The following CDC42BPA variants were observed in gnomAD, a reference collection of about 807,000 sequenced individuals.
The protein encoded by CDC42BPA is serine/threonine-protein kinase MRCK alpha.
In CDC42BPA, 80 loss-of-function variants were observed where a neutral mutation model predicts 223.5. The ratio of observed to expected loss-of-function variants is 0.36; its 90% confidence interval spans 0.30 to 0.43. The LOEUF (loss-of-function observed/expected upper bound fraction) is 0.43, where lower values mean the gene tolerates loss of function less well. Among genes scored for constraint, CDC42BPA ranks in the 20% least tolerant of loss-of-function variants. CDC42BPA has a pLI of 1.00. For synonymous variants in CDC42BPA, 694 were observed against 718.6 expected (o/e 0.97, Z 0.55); for missense variants, 1,743 against 2,099.9 (o/e 0.83, Z 3.32).
At chr1:227,059,727 C>T (rs1675403274) in intron 21 of CDC42BPA, among the ~76,000 whole-genome samples, 1 of 152,016 alleles carries the variant, frequency 6.6e-6, no homozygotes, top group African/African-American at 2.4e-5. Flanking sequence ...CAAATGAGAA[C>T]AAAAAGGATC....
intron 23 of CDC42BPA, among the ~76,000 whole-genome samples, chr1:227,045,232 C>T (rs1478075689): frequency 6.6e-6 from 1 of 152,098 alleles, no homozygotes; most frequent in Non-Finnish European, 1.5e-5. Flanking sequence ...CAATTTTTTC[C>T]CCCCTGCAAC....
At chr1:227,080,586 G>T (rs1354087698) in intron 17 of CDC42BPA, among the ~76,000 whole-genome samples, 10 of 152,078 alleles carry the variant, frequency 6.6e-5, no homozygotes, top group Non-Finnish European at 5.9e-5. Flanking sequence ...TCCATAGGTA[G>T]CAGATGAATT....
intron 1 of CDC42BPA, among the ~76,000 whole-genome samples, chr1:227,286,667 A>C (rs1002818989): frequency 3.9e-5 from 6 of 152,264 alleles, no homozygotes; most frequent in South Asian, 4.2e-4. Flanking sequence ...TTTCTGTATT[A>C]GTGTATTAGT....
intron 15 of CDC42BPA, among the ~76,000 whole-genome samples, chr1:227,092,427 G>A (rs763773278): frequency 1.3e-5 from 2 of 152,160 alleles, no homozygotes; most frequent in South Asian, 2.1e-4. Context: ...GTCAGAGAAC[G>A]TACATCAAGG....
intron 19 of CDC42BPA, among the ~76,000 whole-genome samples, chr1:227,073,319 T>A (rs971366560): frequency 6.6e-6 from 1 of 152,184 alleles, no homozygotes; most frequent in African/African-American, 2.4e-5. Context: ...GTGACCAGAA[T>A]TGACGAAATG....
In CDC42BPA at chr1:227,104,879, C is replaced by T. The variant is rs559641517; in HGVS notation, c.2002-3640G>A. On this transcript the variant is annotated intron_variant, in intron 14 of 36. Coordinates refer to ENST00000366766, the MANE Select transcript of CDC42BPA (RefSeq NM_001394014.1). ...ATCTTGATTTTGAACTTCTAGCCTC[C>T]AGAACTGAGACAGTTCTGTGTTTTA... Among the ~76,000 whole-genome samples, 7 of 152,184 alleles carry T rather than the reference C, an allele frequency of 4.6e-5. No homozygotes were observed. In the South Asian group the frequency reaches 1.5e-3, roughly 32 times the overall value.
At chr1:227,264,100 C>A (rs1684576527) in intron 1 of CDC42BPA, among the ~76,000 whole-genome samples, 1 of 152,102 alleles carries the variant, frequency 6.6e-6, no homozygotes. Flanking sequence ...TTTTTATTTG[C>A]CTTTGTCTTA....
chr1:227,087,583 T>C lies in CDC42BPA; in HGVS notation c.2355+4303A>G, dbSNP rs73093502. 5.6e-3 allele frequency among the ~76,000 whole-genome samples: 855 copies of C among 152,306 alleles called. 13 individuals carry two copies. The highest frequency in any genetic ancestry group is 0.019 in the African/African-American group (808 of 41,564). On this transcript the variant is annotated intron_variant, in intron 16 of 36. Coordinates refer to ENST00000366766, the MANE Select transcript of CDC42BPA (RefSeq NM_001394014.1). ...AACAAAAAGCCTACCAGAATTTTGA[T>C]AGGGATGTCCCAAAACCTATAGATC...
At chr1:227,053,158 T>C (rs1435328361) in intron 21 of CDC42BPA, among the ~76,000 whole-genome samples, 2 of 152,234 alleles carry the variant, frequency 1.3e-5, no homozygotes, top group African/African-American at 4.8e-5. Context: ...ATAATTAATG[T>C]AGAATACTAT....
rs1355228111 is a variant in CDC42BPA at position 227,069,912 on chromosome 1, T to C, written c.2828-59A>G. On this transcript the variant is annotated intron_variant, in intron 20 of 36. Coordinates refer to ENST00000366766, the MANE Select transcript of CDC42BPA (RefSeq NM_001394014.1). ...AACAATTAAAATTGATTTTAATGGA[T>C]AACCTTCCCTGTCTGAATCTACTAA... 8 of 1,133,514 alleles carry C rather than the reference T, an allele frequency of 7.1e-6. No individual in the cohort carries two copies. The East Asian group carries it at 1.9e-4, about 27-fold the overall frequency. 70.2% of individuals were successfully genotyped at this position (1,133,514 alleles called of 1,614,324 possible). A position where few individuals can be genotyped will look rare whatever the true frequency, so the allele number is the denominator to read the frequency against.
chr1:227,093,453 C>T (rs1683442680), intron 15 of CDC42BPA, among the ~76,000 whole-genome samples: 1 of 152,102 alleles, frequency 6.6e-6, no homozygotes, highest in South Asian at 2.1e-4. Context: ...GCCAGACAGG[C>T]ACTGAAATGT....
chr1:227,201,831 A>T (rs1441443063), intron 3 of CDC42BPA, among the ~76,000 whole-genome samples: 2 of 151,874 alleles, frequency 1.3e-5, no homozygotes, highest in Non-Finnish European at 2.9e-5. Flanking sequence ...CAGTACACAG[A>T]AATCTACCTA....
At chr1:227,019,902 T>TC (rs1357875974) in intron 32 of CDC42BPA, among the ~76,000 whole-genome samples, 3 of 145,618 alleles carry the variant, frequency 2.1e-5, no homozygotes, top group Non-Finnish European at 4.6e-5. Context: ...ACCATAATTC[T>TC]TTTTTTTTTT....
Position 227,182,034 on chromosome 1 carries a change from T to G in CDC42BPA, c.599+11752A>C, listed in dbSNP as rs1261151396. ...AAATATAAGGGGAAAATGATTACTT[T>G]TATTTTCCGTAAGACATTGTAGGTA... On this transcript the variant is annotated intron_variant, in intron 5 of 36. Transcript: ENST00000366766. Among the ~76,000 whole-genome samples the G allele has an allele frequency of 3.3e-5, 5 of 152,300 alleles. No homozygotes were observed. In the South Asian group the frequency reaches 1.0e-3, roughly 32 times the overall value.
rs377292181 is a variant in CDC42BPA, at chr1:227,112,875, G to A, written c.1686C>T (p.Ser562=). ...GACAGTGTGCGTCTTTCAGCTCTTT[G>A]GATTGGTTTTTTAATCGCTCACTAG... ...VQASERLKNQ[S]KELKDAHCQR... Residue 562 remains serine, a synonymous_variant, in exon 13 of 37, where the codon TCC becomes TCT. Coordinates refer to ENST00000366766, the MANE Select transcript of CDC42BPA (RefSeq NM_001394014.1). 3 of 1,613,758 alleles carry A rather than the reference G, an allele frequency of 1.9e-6. No individual in the cohort carries two copies. The South Asian group carries it at 3.3e-5, about 18-fold the overall frequency.
intron 34 of CDC42BPA, among the ~76,000 whole-genome samples, chr1:227,005,881 G>A (rs563319051): frequency 3.3e-5 from 5 of 152,312 alleles, no homozygotes; most frequent in South Asian, 4.1e-4. Context: ...AATCACACAC[G>A]CCTAAAGGAT....
intron 6 of CDC42BPA, among the ~76,000 whole-genome samples, chr1:227,150,351 AG>A (rs1338551167): frequency 1.3e-5 from 2 of 152,240 alleles, no homozygotes; most frequent in Non-Finnish European, 2.9e-5. Flanking sequence ...ATTAAAGAAT[AG>A]AGATTATCTA....
In CDC42BPA at chr1:227,298,295, T is replaced by C. The variant is rs572295963; in HGVS notation, c.178+18710A>G. The stretch of plus-strand genomic sequence containing the variant: ...ACACATAAAAAATAACAAGTGAAAT[T>C]ATGACAAAATAGTACCAGAAATTCA... On this transcript the variant is annotated intron_variant, in intron 1 of 36. Transcript: ENST00000366766. Among the ~76,000 whole-genome samples, 8 of 152,098 alleles carry C rather than the reference T, an allele frequency of 5.3e-5. No individual in the cohort carries two copies. The South Asian group carries it at 1.7e-3, about 32-fold the overall frequency.
At chr1:227,232,386 T>C (rs540862008) in intron 2 of CDC42BPA, among the ~76,000 whole-genome samples, 1 of 152,274 alleles carries the variant, frequency 6.6e-6, no homozygotes. Context: ...ACTGTAGCCT[T>C]GTGTATAGTT....
Sources: allele counts gnomAD v4.1 joint callset (sites outside exome capture counted in the v4.1 genomes callset), GRCh38; gene constraint gnomAD v4.1.1; transcripts MANE v1.5; gene names NCBI Gene and HGNC (gene_info 2026-07-23, HGNC 2026-07-21).